Variants in CCDC91 observed in about 807,000 individuals in gnomAD.
CCDC91 encodes the protein coiled-coil domain containing 91, also known as coiled-coil domain-containing protein 91.
A neutral mutation model predicts 63.2 loss-of-function variants in CCDC91; 48 were observed. The ratio of observed to expected loss-of-function variants is 0.76; its 90% CI spans 0.60 to 0.97. The LOEUF (loss-of-function observed/expected upper bound fraction) is 0.97. Ranked by LOEUF, CCDC91 falls within the 50% of genes least tolerant of loss-of-function variation. CCDC91 has a pLI of 0.00. For synonymous variants in CCDC91, 167 were observed against 165.8 expected, an observed-to-expected ratio of 1.01 and a Z score of -0.06; for missense variants, 500 against 494.6, an observed-to-expected ratio of 1.01 and a Z score of -0.10.
chr12:28,438,710 G>A (rs1949033262), intron 8 of CCDC91, among the ~76,000 whole-genome samples: 1 of 151,998 alleles, frequency 6.6e-6, no homozygotes, highest in Non-Finnish European at 1.5e-5. Flanking sequence ...TATGCATTCA[G>A]TAGAAACCAT....
intron 7 of CCDC91, among the ~76,000 whole-genome samples, chr12:28,370,822 GGA>G (rs79914940): frequency 5.9e-5 from 9 of 151,364 alleles, no homozygotes; most frequent in African/African-American, 2.2e-4. Flanking sequence ...CAAGACAGCA[GGA>G]GAGAGAGAGA....
intron 7 of CCDC91, among the ~76,000 whole-genome samples, chr12:28,363,876 GAAAAAAAAAAAAAAAAA>G (rs34997286): frequency 3.8e-5 from 2 of 52,560 alleles, no homozygotes; most frequent in South Asian, 1.5e-3. Flanking sequence ...GGCTCCATCT[GAAAAAAAAAAAAAAAAA>G]AAAAAGAAAA....
Position 28,305,809 on chromosome 12 carries a change from A to G in CCDC91, c.267+3A>G. 1.2e-6 allele frequency: 2 copies of G among 1,605,372 alleles called. No homozygotes were observed. Among genetic ancestry groups the G allele is most frequent in the Non-Finnish European group, 1.7e-6 (2 of 1,176,302 alleles). ...GTCAAACTATTCCAAAAGCACAGGTAAAGACAAACATATTTTTAAAGGAGG... is the reference window on the plus strand; with the variant it reads ...GTCAAACTATTCCAAAAGCACAGGTGAAGACAAACATATTTTTAAAGGAGG... On this transcript the variant is annotated splice_donor_region_variant and intron_variant, in intron 4 of 12. Coordinates refer to ENST00000536442, the MANE Select transcript of CCDC91 (RefSeq NM_018318.5).
chr12:28,391,482 T>C (rs1945943982), intron 8 of CCDC91, 71 bp downstream of exon 8: 2 of 908,722 alleles, frequency 2.2e-6, no homozygotes, highest in Non-Finnish European at 3.5e-6. Flanking sequence ...GCTCTATAAC[T>C]GTTTATTCAG....
chr12:28,230,185 CTG>C (rs2135798346), intron 1 of CCDC91, among the ~76,000 whole-genome samples: 1 of 152,222 alleles, frequency 6.6e-6, no homozygotes, highest in South Asian at 2.1e-4. Context: ...TGGGGTCATT[CTG>C]TACTTCATTG....
At chr12:28,417,620 G>T (rs1430328939) in intron 8 of CCDC91, among the ~76,000 whole-genome samples, 35 of 139,766 alleles carry the variant, frequency 2.5e-4, no homozygotes, top group African/African-American at 6.6e-4. Context: ...GAACCTTTGA[G>T]ATATATATAT....
chr12:28,386,668 A>C (rs1945622690), intron 7 of CCDC91, among the ~76,000 whole-genome samples: 1 of 152,180 alleles, frequency 6.6e-6, no homozygotes, highest in East Asian at 1.9e-4. Context: ...TGCCCAGCCT[A>C]AAAATTATTC....
intron 11 of CCDC91, among the ~76,000 whole-genome samples, chr12:28,480,645 C>A (rs1427763883): frequency 6.6e-6 from 1 of 152,004 alleles, no homozygotes; most frequent in African/African-American, 2.4e-5. Context: ...TCTACAACCA[C>A]ATGTAACTTT....
intron 11 of CCDC91, among the ~76,000 whole-genome samples, chr12:28,470,511 G>A (rs962782408): frequency 2.6e-5 from 4 of 152,110 alleles, no homozygotes; most frequent in Admixed American, 2.6e-4. Context: ...TACAGCCACT[G>A]TGGAGAAGGG....
rs75927293 is a variant in CCDC91, at chr12:28,389,975, A to G, written c.655-1329A>G. Among the ~76,000 whole-genome samples the G allele has an allele frequency of 2.2e-3, 331 of 152,270 alleles. 3 individuals are homozygous for G. Among genetic ancestry groups the G allele is most frequent in the African/African-American group, 7.5e-3 (313 of 41,574 alleles). The stretch of plus-strand genomic sequence containing the variant: ...AATCATTGTGGAATCTTTGGAAGAC[A>G]CTGTAAATCAAGGGTTAAAGCAATT... On this transcript the variant is annotated intron_variant, in intron 7 of 12. Transcript: ENST00000536442.
intron 1 of CCDC91, among the ~76,000 whole-genome samples, chr12:28,199,250 G>T (rs1942021762): frequency 6.6e-6 from 1 of 152,008 alleles, no homozygotes; most frequent in African/African-American, 2.4e-5. Context: ...TGAGTTCTCA[G>T]TGGTTGCCCT....
chr12:28,466,602 T>C (rs1321121496), intron 11 of CCDC91, among the ~76,000 whole-genome samples: 1 of 152,096 alleles, frequency 6.6e-6, no homozygotes, highest in Non-Finnish European at 1.5e-5. Flanking sequence ...TACCCTAGAA[T>C]AGTACATTCA....
rs139846479 is a variant in CCDC91 at position 28,367,488 on chromosome 12, A to T, written c.654+4973A>T. ...AAAACAAATGAATAGGGGTTTAGGA[A>T]TTTGTGGGATTATGATGAAAGACCT... On this transcript the variant is annotated intron_variant, in intron 7 of 12. Coordinates refer to ENST00000536442, the MANE Select transcript of CCDC91 (RefSeq NM_018318.5). 1.2e-4 allele frequency among the ~76,000 whole-genome samples: 18 copies of T among 152,318 alleles called. 1 individual carries two copies. The East Asian group carries it at 3.3e-3, about 28-fold the overall frequency.
rs370713979 is a variant in CCDC91, at chr12:28,305,852, T to C, written c.267+46T>C. The C allele has an allele frequency of 2.9e-5, 42 of 1,473,534 alleles. No homozygotes were observed. In the African/African-American group the frequency reaches 5.1e-4, roughly 18 times the overall value. 91.3% of individuals were successfully genotyped at this position (1,473,534 alleles called of 1,614,324 possible). A position where few individuals can be genotyped will look rare whatever the true frequency, so the allele number is the denominator to read the frequency against. On this transcript the variant is annotated intron_variant, in intron 4 of 12. Transcript: ENST00000536442. ...AAAGGAGGTTTGCATATTTAAAAAA[T>C]TGCCTGCTAATTTAATTGTTGCTTT...
intron 7 of CCDC91, among the ~76,000 whole-genome samples, chr12:28,380,766 A>G (rs1318210002): frequency 1.3e-5 from 2 of 152,132 alleles, no homozygotes; most frequent in Non-Finnish European, 2.9e-5. Flanking sequence ...ATATCAATCA[A>G]TATAATGTCA....
chr12:28,512,522 C>T (rs1939484949), intron 12 of CCDC91, among the ~76,000 whole-genome samples: 1 of 151,246 alleles, frequency 6.6e-6, no homozygotes, highest in South Asian at 2.1e-4. Context: ...TGGGCCAAAT[C>T]CAGTTTGCCC....
At chr12:28,343,301 T>G (rs1349762341) in intron 6 of CCDC91, among the ~76,000 whole-genome samples, 1 of 152,006 alleles carries the variant, frequency 6.6e-6, no homozygotes, top group Non-Finnish European at 1.5e-5. Flanking sequence ...TATACACATA[T>G]GTTCATATGT....
In CCDC91 at chr12:28,205,643, A is replaced by G. The variant is rs140825414; in HGVS notation, c.-15+15002A>G. ...GACATACAGCAATTGGAAGTGAGGT[A>G]TAGAACATTTGGATTGGTTCCCTTA... On this transcript the variant is annotated intron_variant, in intron 1 of 12. Coordinates refer to ENST00000536442, the MANE Select transcript of CCDC91 (RefSeq NM_018318.5). 1.1e-4 allele frequency among the ~76,000 whole-genome samples: 16 copies of G among 152,308 alleles called. No homozygotes were observed. The East Asian group carries it at 3.1e-3, about 29-fold the overall frequency.
chr12:28,529,786 A>G (rs1175038798), intron 12 of CCDC91, among the ~76,000 whole-genome samples: 2 of 152,182 alleles, frequency 1.3e-5, no homozygotes, highest in African/African-American at 4.8e-5. Flanking sequence ...TCTCATATGT[A>G]TCTCCATCAA....
Sources: gnomAD v4.1 joint callset for allele counts (sites outside exome capture counted in the v4.1 genomes callset) on GRCh38, gnomAD v4.1.1 for gene constraint, MANE v1.5 for transcripts, NCBI Gene and HGNC (gene_info 2026-07-23, HGNC 2026-07-21) for gene names.